The following MGAM variants were observed in gnomAD, a reference collection of about 807,000 sequenced individuals.
The protein encoded by MGAM is maltase-glucoamylase.
MGAM carries 253 observed loss-of-function variants against 358.8 expected under a neutral mutation model. The observed-to-expected ratio is 0.71, with a 90% CI of 0.64 to 0.78. The LOEUF is 0.78. MGAM is among the 30% of genes least tolerant of loss of function. The pLI, the probability that MGAM is intolerant of heterozygous loss-of-function variation, is 0.00. For synonymous variants in MGAM, 1,105 were observed against 1,227.1 expected (o/e 0.90, Z 2.08); for missense variants, 3,080 against 3,432.6 (o/e 0.90, Z 2.57).
intron 1 of MGAM, among the ~76,000 whole-genome samples, chr7:142,003,786 G>A (rs909609237): frequency 3.3e-5 from 5 of 151,778 alleles, no homozygotes; most frequent in Non-Finnish European, 7.4e-5. Flanking sequence ...TAAAATATTT[G>A]CAAACAGTGT....
intron 49 of MGAM, among the ~76,000 whole-genome samples, chr7:142,079,318 G>A (rs1814024469): frequency 6.9e-6 from 1 of 145,542 alleles, no homozygotes; most frequent in Non-Finnish European, 1.6e-5. Flanking sequence ...CTGGAATGAA[G>A]GTGGAGAACA....
Position 142,086,028 on chromosome 7 carries a change from T to A in MGAM, c.6636+67T>A. 1.3e-6 allele frequency: 2 copies of A among 1,523,858 alleles called. 1 individual carries two copies. Among genetic ancestry groups the A allele is most frequent in the Non-Finnish European group, 1.8e-6 (2 of 1,110,292 alleles). The allele number at this position is 1,523,858 out of a possible 1,614,324, so 94.4% of individuals were successfully genotyped here. On this transcript the variant is annotated intron_variant, in intron 55 of 70. Transcript: ENST00000475668. ...GTATGGGTTTTGTTGGAGAAAGTGTTATACTTTATTTCCATGTTGCAAGTA... is the reference window on the plus strand; with the variant it reads ...GTATGGGTTTTGTTGGAGAAAGTGTAATACTTTATTTCCATGTTGCAAGTA...
intron 57 of MGAM, among the ~76,000 whole-genome samples, chr7:142,087,834 G>T (rs1408074900): frequency 2.0e-5 from 3 of 146,486 alleles, no homozygotes; most frequent in African/African-American, 7.3e-5. Context: ...CTGTAATTCT[G>T]TTAGCAGCCA....
intron 20 of MGAM, chr7:142,040,447 T>A: frequency 1.7e-6 from 1 of 583,066 alleles, no homozygotes; most frequent in Non-Finnish European, 3.0e-6. Context: ...ATGGACAATG[T>A]GAGCTTGGTC....
At chr7:142,003,996 A>G (rs1804953975) in intron 1 of MGAM, among the ~76,000 whole-genome samples, 1 of 152,116 alleles carries the variant, frequency 6.6e-6, no homozygotes, top group Admixed American at 6.6e-5. Context: ...ATGAGATGAT[A>G]TCTTACACTG....
At position 142,064,391 on chromosome 7, in the gene MGAM, G is replaced by A. The variant is rs892318354; in HGVS notation, c.4353G>A (p.Glu1451=). The A allele has an allele frequency of 3.1e-6, 5 of 1,608,014 alleles. No individual in the cohort carries two copies. The highest frequency in any genetic ancestry group is 3.4e-6 in the Non-Finnish European group (4 of 1,177,342). The change falls in exon 37 of 71, where the codon GAG becomes GAA. Residue 1451 remains glutamate, a synonymous_variant. Transcript: ENST00000475668. The part of the protein sequence containing the change: ...LNHPPYMPHL[E]SRDRGLSSKT... ...CCAGTTCTTCCTCCTCAGATTTGGA[G>A]TCCAGGGACAGGGGCCTGAGCAGCA...
At chr7:142,041,894 TAA>T (rs1563144156) in intron 21 of MGAM, among the ~76,000 whole-genome samples, 1 of 44,036 alleles carries the variant, frequency 2.3e-5, no homozygotes, top group Non-Finnish European at 3.8e-5. Context: ...GTATAATATA[TAA>T]TATATATATT....
chr7:142,046,564 G>C (rs1484935378), intron 21 of MGAM, among the ~76,000 whole-genome samples: 3 of 152,006 alleles, frequency 2.0e-5, no homozygotes, highest in Admixed American at 2.0e-4. Flanking sequence ...TTTTAACCTT[G>C]CTATGGGAAT....
In MGAM at chr7:142,068,619, G is replaced by A. The variant is rs139575264; in HGVS notation, c.5005-28G>A. ...CTCTGTCCTGGAAAATGGTGGCACT[G>A]CCTCACCTTGTTTGTGTTTCATTTT... On this transcript the variant is annotated intron_variant, in intron 42 of 70. Coordinates refer to ENST00000475668, the MANE Select transcript of MGAM (RefSeq NM_001365693.1). The A allele has an allele frequency of 4.4e-4, 662 of 1,490,202 alleles. 34 individuals are homozygous for A. The African/African-American group carries it at 8.1e-3, about 18-fold the overall frequency. The allele number at this position is 1,490,202 out of a possible 1,614,324, so 92.3% of individuals were successfully genotyped here.
chr7:142,034,161 A>C, intron 14 of MGAM, 101 bp from the exon 15 acceptor site: 1 of 771,090 alleles, frequency 1.3e-6, no homozygotes, highest in Non-Finnish European at 2.2e-6. Flanking sequence ...GGATGCCCAC[A>C]AAAGTGCCTG....
In MGAM at chr7:142,081,171, G is replaced by A. The variant is rs1181861812; in HGVS notation, c.6002+226G>A. Among the ~76,000 whole-genome samples, 12 of 146,428 alleles carry A rather than the reference G, an allele frequency of 8.2e-5. 1 individual carries two copies. Among genetic ancestry groups the A allele is most frequent in the Admixed American group, 6.9e-4 (10 of 14,556 alleles). Reference sequence around the variant, plus strand: ...AGGATTCATCCAACAAATGTTTATGGGGTGCCTTCTCTAGATTAGGTGCTG... The same window carrying A: ...AGGATTCATCCAACAAATGTTTATGAGGTGCCTTCTCTAGATTAGGTGCTG... On this transcript the variant is annotated intron_variant, in intron 50 of 70. Transcript: ENST00000475668.
At position 142,033,006 on chromosome 7, in the gene MGAM, C is replaced by T. The variant is rs1302340864; in HGVS notation, c.1669+97C>T. ...GAAAAATCTGGCAAGGGAATTTGTT[C>T]ATAATTGTGCATAGAAAAAGAAATA... On this transcript the variant is annotated intron_variant, in intron 14 of 70. Coordinates refer to ENST00000475668, the MANE Select transcript of MGAM (RefSeq NM_001365693.1). 5.8e-6 allele frequency: 4 copies of T among 694,634 alleles called. No homozygotes were observed. The Middle Eastern group carries it at 7.6e-4, about 132-fold the overall frequency. 43.0% of individuals were successfully genotyped at this position (694,634 alleles called of 1,614,324 possible).
intron 40 of MGAM, 137 bp downstream of exon 40, chr7:142,065,968 G>GT (rs35268349): frequency 0.33 from 191,165 of 586,210 alleles, 16,089 homozygotes; most frequent in Non-Finnish European, 0.36. Flanking sequence ...GTTTTGTTTT[G>GT]TTTTTTTTTT....
At chr7:142,100,700 C>T (rs1816366855) in intron 67 of MGAM, 102 bp from the exon 68 acceptor site, 2 of 968,106 alleles carry the variant, frequency 2.1e-6, no homozygotes, top group Non-Finnish European at 3.3e-6. Flanking sequence ...AGTCTTTATC[C>T]CCCAAAGCAC....
rs542849478 is a variant in MGAM, at chr7:142,093,336, G to A, written c.7034-76G>A. Reference sequence around the variant, plus strand: ...ACTGAAGTTAGTCTTAAGATCCAGGGCCCAGTCCCTTGAAGAGAAGTCAGG... The same window carrying A: ...ACTGAAGTTAGTCTTAAGATCCAGGACCCAGTCCCTTGAAGAGAAGTCAGG... On this transcript the variant is annotated intron_variant, in intron 59 of 70. Transcript: ENST00000475668. 5.5e-6 allele frequency: 8 copies of A among 1,453,086 alleles called. No homozygotes were observed. The African/African-American group carries it at 9.6e-5, about 17-fold the overall frequency. 90.0% of individuals were successfully genotyped at this position (1,453,086 alleles called of 1,614,324 possible). A position where few individuals can be genotyped will look rare whatever the true frequency, so the allele number is the denominator to read the frequency against.
intron 1 of MGAM, 115 bp from the exon 2 acceptor site, chr7:142,005,414 C>T (rs1314646513): frequency 7.2e-6 from 5 of 692,094 alleles, no homozygotes; most frequent in African/African-American, 5.6e-5. Context: ...ATAATGGATG[C>T]TTGGGAGGCT....
chr7:142,021,817 A>T, intron 6 of MGAM, 80 bp downstream of exon 6: 1 of 1,446,928 alleles, frequency 6.9e-7, no homozygotes, highest in Non-Finnish European at 9.7e-7. Context: ...GGGGTGTTTC[A>T]ACAATATTCC....
Position 141,999,412 on chromosome 7 carries a change from G to T in MGAM, c.-3+3482G>T, listed in dbSNP as rs146723173. ...TTATAGCATAGAATACAGAGTGATGGTTAAAAGCCATGGCTGTGGAGTCCA... is the reference window on the plus strand; with the variant it reads ...TTATAGCATAGAATACAGAGTGATGTTTAAAAGCCATGGCTGTGGAGTCCA... On this transcript the variant is annotated intron_variant, in intron 1 of 70. Transcript: ENST00000475668. Among the ~76,000 whole-genome samples, 24 of 152,304 alleles carry T rather than the reference G, an allele frequency of 1.6e-4. No individual in the cohort carries two copies. The East Asian group carries it at 4.6e-3, about 29-fold the overall frequency.
chr7:142,055,019 A>T, intron 27 of MGAM, 111 bp downstream of exon 27: 2 of 1,178,480 alleles, frequency 1.7e-6, no homozygotes, highest in Non-Finnish European at 2.4e-6. Context: ...CCACTTCCAG[A>T]TCCATGGATG....
Sources: gnomAD v4.1 joint callset for allele counts (sites outside exome capture counted in the v4.1 genomes callset) on GRCh38, gnomAD v4.1.1 for gene constraint, MANE v1.5 for transcripts, NCBI Gene and HGNC (gene_info 2026-07-23, HGNC 2026-07-21) for gene names.